ATP8A2: variants seen among roughly 807,000 people sequenced by gnomAD.
The protein encoded by ATP8A2 is ATPase phospholipid transporting 8A2.
In ATP8A2, 100 loss-of-function variants were observed where a neutral mutation model predicts 165.6. That is an observed-to-expected ratio of 0.60 (90% CI 0.51 to 0.71). ATP8A2 has a LOEUF of 0.71. ATP8A2 is among the 30% of genes least tolerant of loss of function. The pLI is 0.00. For missense variants in ATP8A2, 1,227 were observed against 1,479.5 expected (o/e 0.83, Z 2.80); for synonymous variants, 543 against 548.8 (o/e 0.99, Z 0.15).
chr13:25,427,961 C>A (rs1764642), intron 1 of ATP8A2, among the ~76,000 whole-genome samples: 3 of 151,886 alleles, frequency 2.0e-5, no homozygotes, highest in African/African-American at 7.3e-5. Context: ...ACTTGAGGGG[C>A]GGAGGAGAGC....
rs1446815563 is a variant in ATP8A2, at chr13:25,581,974, A to T, written c.2146+17A>T. On this transcript the variant is annotated intron_variant, in intron 23 of 36. Coordinates refer to ENST00000381655, the MANE Select transcript of ATP8A2 (RefSeq NM_016529.6). ...TTAATATAGGTAATTATTTTTACAA[A>T]TAATTTCCTGATGCTGGGTTTTGTA... 1 of 1,592,832 alleles carries T rather than the reference A, an allele frequency of 6.3e-7. No individual in the cohort carries two copies. The highest frequency in any genetic ancestry group is 1.2e-5 in the South Asian group (1 of 86,630).
chr13:25,886,291 G>A (rs943123768), intron 33 of ATP8A2, among the ~76,000 whole-genome samples: 11 of 152,158 alleles, frequency 7.2e-5, no homozygotes, highest in Admixed American at 2.0e-4. Flanking sequence ...GTGGAATAGC[G>A]TATTTGTTGC....
At chr13:25,580,093 T>G in intron 22 of ATP8A2, 146 bp downstream of exon 22, 2 of 1,006,530 alleles carry the variant, frequency 2.0e-6, no homozygotes, top group Non-Finnish European at 2.8e-6. Context: ...ATCATTTTCT[T>G]TGCTTTAAGA....
At chr13:25,603,035 G>A (rs1490870619) in intron 24 of ATP8A2, among the ~76,000 whole-genome samples, 1 of 152,144 alleles carries the variant, frequency 6.6e-6, no homozygotes, top group East Asian at 1.9e-4. Context: ...TCGTGCCACT[G>A]CACTCCAGCC....
intron 2 of ATP8A2, among the ~76,000 whole-genome samples, chr13:25,512,956 G>C (rs2037306113): frequency 7.3e-6 from 1 of 137,084 alleles, no homozygotes; most frequent in African/African-American, 2.6e-5. Flanking sequence ...GGCCGGGTGG[G>C]GGGCTGACCC....
At chr13:25,973,325 A>G (rs911874457) in intron 35 of ATP8A2, among the ~76,000 whole-genome samples, 1 of 152,164 alleles carries the variant, frequency 6.6e-6, no homozygotes, top group Non-Finnish European at 1.5e-5. Context: ...TGGACGGCCC[A>G]TCACCGCCAG....
At chr13:25,687,135 C>A (rs1282273475) in intron 24 of ATP8A2, among the ~76,000 whole-genome samples, 1 of 152,160 alleles carries the variant, frequency 6.6e-6, no homozygotes, top group East Asian at 1.9e-4. Flanking sequence ...CGGCCATGAG[C>A]AGAGTGCTCT....
chr13:25,493,456 T>C (rs2036584292), intron 2 of ATP8A2, among the ~76,000 whole-genome samples: 1 of 151,666 alleles, frequency 6.6e-6, no homozygotes. Context: ...GCATTTTTTG[T>C]TTTATGCTTT....
rs959579647 is a variant in ATP8A2 at position 25,953,433 on chromosome 13, C to T, written c.3184-8142C>T. ...CCTTCTCCTCACAGGTGAACTGTTG[C>T]TGCTCCACCTTTATTACATCTTTTC... On this transcript the variant is annotated intron_variant, in intron 33 of 36. Coordinates refer to ENST00000381655, the MANE Select transcript of ATP8A2 (RefSeq NM_016529.6). This position sits in a 1 kb window ranked among gnomAD's most constrained non-coding sequence, Gnocchi z 6.7. Among the ~76,000 whole-genome samples the T allele has an allele frequency of 6.0e-5, 9 of 150,834 alleles. No individual in the cohort carries two copies. Among genetic ancestry groups the T allele is most frequent in the African/African-American group, 2.2e-4 (9 of 41,000 alleles).
At chr13:25,959,508 T>C (rs1392267839) in intron 33 of ATP8A2, among the ~76,000 whole-genome samples, 3 of 152,160 alleles carry the variant, frequency 2.0e-5, no homozygotes, top group Admixed American at 1.3e-4. Flanking sequence ...CTGATATGTA[T>C]TGACAAATGT....
At chr13:25,674,669 AG>A (rs1267083102) in intron 24 of ATP8A2, among the ~76,000 whole-genome samples, 7 of 152,206 alleles carry the variant, frequency 4.6e-5, no homozygotes, top group Admixed American at 4.6e-4. Context: ...TGAAACATTG[AG>A]GGGAAGAGTG....
At chr13:25,746,140 A>G (rs1350047846) in intron 25 of ATP8A2, among the ~76,000 whole-genome samples, 4 of 152,214 alleles carry the variant, frequency 2.6e-5, no homozygotes, top group African/African-American at 4.8e-5. Context: ...ATTCATTCAT[A>G]TGAGTTGTTT....
At chr13:25,649,677 G>C (rs994850158) in intron 24 of ATP8A2, among the ~76,000 whole-genome samples, 3 of 152,102 alleles carry the variant, frequency 2.0e-5, no homozygotes, top group African/African-American at 7.2e-5. Context: ...AGACTCCCAG[G>C]TGTGGCACAA....
At chr13:25,980,063 G>T (rs765003159) in intron 35 of ATP8A2, among the ~76,000 whole-genome samples, 2 of 152,212 alleles carry the variant, frequency 1.3e-5, no homozygotes, top group Non-Finnish European at 2.9e-5. Flanking sequence ...GGACAGTCAT[G>T]CAAAAATGTG....
At chr13:25,844,001 A>C (rs138556854) in intron 30 of ATP8A2, among the ~76,000 whole-genome samples, 1 of 152,268 alleles carries the variant, frequency 6.6e-6, no homozygotes, top group Non-Finnish European at 1.5e-5. Context: ...CTGTAGAGAA[A>C]CACATAGGAT....
At chr13:25,901,018 C>T (rs139943508) in intron 33 of ATP8A2, among the ~76,000 whole-genome samples, 21 of 152,204 alleles carry the variant, frequency 1.4e-4, no homozygotes, top group African/African-American at 4.3e-4. Flanking sequence ...AGCCAATGGG[C>T]GGTGTAATTA....
chr13:25,567,154 C>CA (rs779248063), intron 16 of ATP8A2: 2 of 329,400 alleles, frequency 6.1e-6, no homozygotes, highest in Non-Finnish European at 1.2e-5. Flanking sequence ...TCATTTCTGA[C>CA]TCTCACAGGT....
chr13:25,629,172 G>A (rs1593684682), intron 24 of ATP8A2, among the ~76,000 whole-genome samples: 1 of 152,156 alleles, frequency 6.6e-6, no homozygotes, highest in African/African-American at 2.4e-5. Context: ...CATAGAAAGT[G>A]TTCGTAGACA....
At chr13:25,745,790 G>A (rs2044018441) in intron 25 of ATP8A2, among the ~76,000 whole-genome samples, 1 of 152,336 alleles carries the variant, frequency 6.6e-6, no homozygotes, top group Admixed American at 6.5e-5. Context: ...CTTTAAGTAA[G>A]ATTACTTTTA....
Sources: gnomAD v4.1 joint callset for allele counts (sites outside exome capture counted in the v4.1 genomes callset) on GRCh38, gnomAD v4.1.1 for gene constraint, Gnocchi (gnomAD v3.1) non-coding constraint, MANE v1.5 for transcripts, NCBI Gene and HGNC (gene_info 2026-07-23, HGNC 2026-07-21) for gene names.